The following GPC3 variants were observed in gnomAD, a reference collection of about 807,000 sequenced individuals.
GPC3 encodes glypican 3.
Under a neutral mutation model 34.4 loss-of-function variants are expected in GPC3, and 3 were observed. The ratio of observed to expected loss-of-function variants is 0.09; its 90% CI spans 0.04 to 0.23. The LOEUF is 0.23. GPC3 is among the 10% of genes least tolerant of loss of function. The pLI, the probability that GPC3 is intolerant of heterozygous loss-of-function variation, is 1.00. For synonymous variants in GPC3, 177 were observed against 174.0 expected (o/e 1.02, Z -0.13); for missense variants, 351 against 445.6 (o/e 0.79, Z 1.91).
At chrX:133,852,259 T>TA (rs1332852098) in intron 2 of GPC3, among the ~76,000 whole-genome samples, 1 of 111,687 alleles carries the variant, frequency 9.0e-6, no homozygotes, top group Non-Finnish European at 1.9e-5. Context: ...TGTAACTTCA[T>TA]AAGGCCTTTG....
chrX:133,730,801 A>G (rs1365841750), intron 3 of GPC3, among the ~76,000 whole-genome samples: 1 of 111,533 alleles, frequency 9.0e-6, no homozygotes, highest in Non-Finnish European at 1.9e-5. Context: ...TCATATATAA[A>G]AAAAAAGGAA....
intron 7 of GPC3, among the ~76,000 whole-genome samples, chrX:133,557,784 G>A (rs1294595538): frequency 9.0e-6 from 1 of 111,326 alleles, no homozygotes; most frequent in Non-Finnish European, 1.9e-5. Flanking sequence ...TTGACCGAGA[G>A]TTTTTAATGC....
chrX:133,656,380 T>C lies in GPC3; in HGVS notation c.1413+5350A>G, dbSNP rs148868271. 8.2e-3 allele frequency among the ~76,000 whole-genome samples: 917 copies of C among 112,230 alleles called. 10 individuals are homozygous for C. The highest frequency in any genetic ancestry group is 0.028 in the African/African-American group (870 of 30,918). On this transcript the variant is annotated intron_variant, in intron 6 of 7. Coordinates refer to ENST00000370818, the MANE Select transcript of GPC3 (RefSeq NM_004484.4). ...CAAGTAAAGGAAAGTGCACAGAGAA[T>C]GAAATCAGTAGCTCTGGATTCTAGG...
At chrX:133,982,520 C>T in intron 1 of GPC3, among the ~76,000 whole-genome samples, 1 of 111,951 alleles carries the variant, frequency 8.9e-6, no homozygotes, top group Non-Finnish European at 1.9e-5. Context: ...TCCTTCAGCA[C>T]CAGTGATTTA....
At chrX:133,911,962 T>C (rs759324729) in intron 2 of GPC3, among the ~76,000 whole-genome samples, 1 of 111,977 alleles carries the variant, frequency 8.9e-6, no homozygotes, top group Non-Finnish European at 1.9e-5. Context: ...CACACAGAAA[T>C]GAAAGCTGAC....
At chrX:133,971,496 A>G (rs1361146245) in intron 1 of GPC3, among the ~76,000 whole-genome samples, 1 of 111,878 alleles carries the variant, frequency 8.9e-6, no homozygotes, top group Non-Finnish European at 1.9e-5. Flanking sequence ...GAGAGAGGAG[A>G]GATGGAAATC....
chrX:133,795,415 G>C (rs1036688913), intron 2 of GPC3, among the ~76,000 whole-genome samples: 4 of 111,561 alleles, frequency 3.6e-5, no homozygotes, highest in Non-Finnish European at 7.5e-5. Flanking sequence ...AAATGGATAA[G>C]GGTCACACAT....
chrX:133,882,535 T>TTGTG lies in GPC3; in HGVS notation c.337+70511_337+70514dup, dbSNP rs3831709. ...ATGGCCACCAGATATTTTCTACAGTTTGTGTGTGTGTGTGTGTGTGTGTGG... is the reference window on the plus strand; with the variant it reads ...ATGGCCACCAGATATTTTCTACAGTTTGTGTGTGTGTGTGTGTGTGTGTGTGTGG... On this transcript the variant is annotated intron_variant, in intron 2 of 7. Coordinates refer to ENST00000370818, the MANE Select transcript of GPC3 (RefSeq NM_004484.4). Among the ~76,000 whole-genome samples the TTGTG allele has an allele frequency of 4.2e-3, 443 of 105,796 alleles. 4 individuals are homozygous for TTGTG. Among genetic ancestry groups the TTGTG allele is most frequent in the African/African-American group, 0.014 (407 of 29,193 alleles). The allele number at this position is 105,796 out of a possible 115,157, so 91.9% of individuals were successfully genotyped here.
At chrX:133,719,174 C>T (rs917086029) in intron 3 of GPC3, among the ~76,000 whole-genome samples, 1 of 111,099 alleles carries the variant, frequency 9.0e-6, no homozygotes, top group Non-Finnish European at 1.9e-5. Flanking sequence ...TTCTTCAGTA[C>T]AGGGTACATG....
intron 7 of GPC3, among the ~76,000 whole-genome samples, chrX:133,557,663 A>T (rs1364465993): frequency 8.9e-6 from 1 of 112,003 alleles, no homozygotes; most frequent in Non-Finnish European, 1.9e-5. Context: ...AACCCAAATG[A>T]TTTAAGAGGG....
At chrX:133,772,077 C>G (rs891068110) in intron 2 of GPC3, among the ~76,000 whole-genome samples, 50 of 111,210 alleles carry the variant, frequency 4.5e-4, no homozygotes, top group African/African-American at 1.5e-3. Flanking sequence ...AGTTTTCAGT[C>G]TCCTTTCCAC....
intron 2 of GPC3, among the ~76,000 whole-genome samples, chrX:133,779,429 A>G (rs889225662): frequency 8.9e-6 from 1 of 111,936 alleles, no homozygotes. Context: ...TAGTTGTGTG[A>G]CCTTGGGCCA....
chrX:133,688,455 A>T (rs17000466), intron 5 of GPC3, among the ~76,000 whole-genome samples: 4,038 of 111,842 alleles, frequency 0.036, 197 homozygotes, highest in African/African-American at 0.12. Context: ...GAGATAAAAA[A>T]GGAAAGGATG....
chrX:133,551,621 G>A (rs1206202293), intron 7 of GPC3, among the ~76,000 whole-genome samples: 2 of 111,861 alleles, frequency 1.8e-5, no homozygotes, highest in East Asian at 5.7e-4. Context: ...CCTCTGATAG[G>A]TTTTGAATCT....
chrX:133,904,756 GGTACTCAGCC>G (rs1183770091), intron 2 of GPC3, among the ~76,000 whole-genome samples: 1 of 111,637 alleles, frequency 9.0e-6, no homozygotes, highest in Non-Finnish European at 1.9e-5. Context: ...CTATAGAGGT[GGTACTCAGCC>G]ACTTCAAAGA....
intron 2 of GPC3, among the ~76,000 whole-genome samples, chrX:133,834,864 T>C (rs2075792426): frequency 8.9e-6 from 1 of 111,795 alleles, no homozygotes; most frequent in Admixed American, 9.5e-5. Flanking sequence ...ATAATAAATA[T>C]CAGGATAAAA....
At chrX:133,786,843 A>C (rs1327314403) in intron 2 of GPC3, among the ~76,000 whole-genome samples, 2 of 111,919 alleles carry the variant, frequency 1.8e-5, no homozygotes, top group Non-Finnish European at 3.8e-5. Flanking sequence ...ATGTGACAAG[A>C]ACCCAGATTT....
intron 6 of GPC3, among the ~76,000 whole-genome samples, chrX:133,613,113 G>GA (rs757336549): frequency 7.2e-5 from 8 of 110,764 alleles, no homozygotes; most frequent in East Asian, 5.7e-4. Context: ...AATATCATGA[G>GA]AAAAAAAAGC....
intron 6 of GPC3, among the ~76,000 whole-genome samples, chrX:133,612,243 T>A (rs991895279): frequency 1.1e-4 from 12 of 111,968 alleles, no homozygotes; most frequent in African/African-American, 3.6e-4. Flanking sequence ...TCAACTCAAC[T>A]GGGAAAACAG....
Sources: gnomAD v4.1 joint callset for allele counts (sites outside exome capture counted in the v4.1 genomes callset) on GRCh38, gnomAD v4.1.1 for gene constraint, MANE v1.5 for transcripts, NCBI Gene and HGNC (gene_info 2026-07-23, HGNC 2026-07-21) for gene names.